The following NRXN3 variants were observed in gnomAD, a reference collection of about 807,000 sequenced individuals.
NRXN3 encodes the protein neurexin III.
Under a neutral mutation model 137.6 loss-of-function variants are expected in NRXN3, and 32 were observed. That is an observed-to-expected ratio of 0.23 (90% CI 0.18 to 0.31). NRXN3 has a LOEUF of 0.31. Ranked by LOEUF, NRXN3 falls within the 10% of genes least tolerant of loss-of-function variation. NRXN3 has a pLI of 1.00. For synonymous variants in NRXN3, 798 were observed against 784.5 expected, an observed-to-expected ratio of 1.02 and a Z score of -0.29; for missense variants, 1,574 against 2,062.5, an observed-to-expected ratio of 0.76 and a Z score of 4.59.
chr14:78,799,770 A>G (rs2098832974), intron 8 of NRXN3, among the ~76,000 whole-genome samples: 1 of 152,204 alleles, frequency 6.6e-6, no homozygotes. Context: ...ATATCATGGT[A>G]GACAAGAGAG....
At position 78,439,022 on chromosome 14, in the gene NRXN3, T is replaced by A. The variant is rs551803827; in HGVS notation, c.757+141162T>A. 1.8e-4 allele frequency among the ~76,000 whole-genome samples: 27 copies of A among 152,106 alleles called. No individual in the cohort carries two copies. In the South Asian group the frequency reaches 5.6e-3, roughly 32 times the overall value. ...TGGAGGCAAAGAACATAGATTACTT[T>A]CTTCAGTGGGGAAAGGAATGTGAAG... On this transcript the variant is annotated intron_variant, in intron 4 of 20. Coordinates refer to ENST00000335750, the MANE Select transcript of NRXN3 (RefSeq NM_001330195.2).
At chr14:79,003,449 T>C (rs1258009333) in intron 15 of NRXN3, among the ~76,000 whole-genome samples, 1 of 152,200 alleles carries the variant, frequency 6.6e-6, no homozygotes, top group East Asian at 1.9e-4. Context: ...CAGTAGATAA[T>C]TTCACAGTCA....
chr14:79,726,075 C>T (rs2098886795), intron 19 of NRXN3, among the ~76,000 whole-genome samples: 1 of 152,116 alleles, frequency 6.6e-6, no homozygotes. Flanking sequence ...GATAAACTCC[C>T]ACAGTATTTG....
intron 10 of NRXN3, among the ~76,000 whole-genome samples, chr14:78,828,587 C>T (rs2098973436): frequency 6.6e-6 from 1 of 152,166 alleles, no homozygotes; most frequent in African/African-American, 2.4e-5. Context: ...AGTGGTAGGA[C>T]AGATTTTGCC....
chr14:78,384,726 GTACGT>G (rs944487890), intron 4 of NRXN3, among the ~76,000 whole-genome samples: 13 of 152,096 alleles, frequency 8.5e-5, no homozygotes, highest in African/African-American at 1.9e-4. Flanking sequence ...AGCTACTGGG[GTACGT>G]TAAGGATCCT....
At chr14:79,815,951 T>A (rs2099250239) in intron 20 of NRXN3, among the ~76,000 whole-genome samples, 1 of 152,158 alleles carries the variant, frequency 6.6e-6, no homozygotes, top group South Asian at 2.1e-4. Context: ...ATATATATAT[T>A]AACTTTTGAA....
intron 4 of NRXN3, among the ~76,000 whole-genome samples, chr14:78,571,832 A>G (rs2096892624): frequency 6.6e-6 from 1 of 152,148 alleles, no homozygotes; most frequent in African/African-American, 2.4e-5. Flanking sequence ...CCTTTTGTGA[A>G]CCTTCTGTCT....
At chr14:78,362,903 T>C (rs1280778215) in intron 4 of NRXN3, among the ~76,000 whole-genome samples, 2 of 152,184 alleles carry the variant, frequency 1.3e-5, no homozygotes, top group Non-Finnish European at 2.9e-5. Flanking sequence ...CAATATAAGG[T>C]GTGGAGAGCC....
At chr14:79,604,534 C>CTT (rs60892453) in intron 16 of NRXN3, among the ~76,000 whole-genome samples, 9,214 of 145,288 alleles carry the variant, frequency 0.063, 279 homozygotes, top group East Asian at 0.082. Context: ...TGCTCCCGGA[C>CTT]TTTTTTTTTT....
chr14:78,957,279 C>T lies in NRXN3; in HGVS notation c.2313C>T (p.Leu771=). ...AGACCTTGTATGCAGGGCAGAAGCT[C>T]AATGACAACGAGTGGCACACCGTTC... ...GPETLYAGQK[L]NDNEWHTVRV... is the part of the protein sequence containing the mutation. Residue 771 remains leucine, a synonymous_variant, in exon 11 of 21, where the codon CTC becomes CTT. Coordinates refer to ENST00000335750, the MANE Select transcript of NRXN3 (RefSeq NM_001330195.2). The T allele has an allele frequency of 6.2e-7, 1 of 1,614,096 alleles. No homozygotes were observed. The highest frequency in any genetic ancestry group is 8.5e-7 in the Non-Finnish European group (1 of 1,180,002).
intron 15 of NRXN3, among the ~76,000 whole-genome samples, chr14:79,333,077 C>T (rs2091912575): frequency 6.6e-6 from 1 of 152,118 alleles, no homozygotes; most frequent in Non-Finnish European, 1.5e-5. Context: ...TACCATGCAG[C>T]GCTTTCATTC....
intron 8 of NRXN3, among the ~76,000 whole-genome samples, chr14:78,733,266 C>G (rs185784730): frequency 1.3e-5 from 2 of 151,416 alleles, no homozygotes; most frequent in Non-Finnish European, 2.9e-5. Flanking sequence ...TTGTTGTTGA[C>G]GGTGATAGGT....
At chr14:78,826,681 T>C (rs2098967646) in intron 10 of NRXN3, among the ~76,000 whole-genome samples, 1 of 152,238 alleles carries the variant, frequency 6.6e-6, no homozygotes, top group African/African-American at 2.4e-5. Context: ...GTTTTGGTGA[T>C]GTGTTTGTCT....
rs1460078323 is a variant in NRXN3, at chr14:78,475,272, G to A, written c.758-169848G>A. On this transcript the variant is annotated intron_variant, in intron 4 of 20. Transcript: ENST00000335750. ...AAGCTCTTAGAGGTAGGACCTATAT[G>A]CTATTTAATTTTGCAACTCCCGCAG... 2.0e-5 allele frequency among the ~76,000 whole-genome samples: 3 copies of A among 152,202 alleles called. No homozygotes were observed. In the East Asian group the frequency reaches 5.8e-4, roughly 29 times the overall value.
At chr14:78,740,911 A>T (rs2098566184) in intron 8 of NRXN3, among the ~76,000 whole-genome samples, 2 of 152,204 alleles carry the variant, frequency 1.3e-5, no homozygotes, top group South Asian at 2.1e-4. Flanking sequence ...GTCAAATAAA[A>T]CAATGTATTT....
intron 15 of NRXN3, among the ~76,000 whole-genome samples, chr14:79,399,057 C>A (rs904463215): frequency 5.4e-5 from 8 of 147,722 alleles, no homozygotes; most frequent in African/African-American, 2.0e-4. Context: ...CTGGGAGTTT[C>A]ATTATTCCTC....
intron 20 of NRXN3, among the ~76,000 whole-genome samples, chr14:79,816,751 C>G (rs2140947439): frequency 6.6e-6 from 1 of 152,286 alleles, no homozygotes; most frequent in East Asian, 1.9e-4. Flanking sequence ...TGTTAATTAA[C>G]CAACTGCACA....
At chr14:78,248,072 G>T (rs895550792) in intron 2 of NRXN3, among the ~76,000 whole-genome samples, 1 of 152,158 alleles carries the variant, frequency 6.6e-6, no homozygotes, top group Non-Finnish European at 1.5e-5. Flanking sequence ...AGAGGGAAAA[G>T]GTTCTAGTCT....
chr14:79,143,174 C>T (rs1179818147), intron 15 of NRXN3, among the ~76,000 whole-genome samples: 1 of 152,254 alleles, frequency 6.6e-6, no homozygotes, highest in East Asian at 1.9e-4. Context: ...CCTTTGCAAA[C>T]CCAGCACCCT....
Sources: gnomAD v4.1 joint callset for allele counts (sites outside exome capture counted in the v4.1 genomes callset) on GRCh38, gnomAD v4.1.1 for gene constraint, MANE v1.5 for transcripts, NCBI Gene and HGNC (gene_info 2026-07-23, HGNC 2026-07-21) for gene names.